Variants in LPCAT2 observed in about 807,000 individuals in gnomAD.
The protein encoded by LPCAT2 is 1-AGP acyltransferase 11.
A neutral mutation model predicts 64.7 loss-of-function variants in LPCAT2; 58 were observed. That is an observed-to-expected ratio of 0.90 (90% CI 0.73 to 1.12). The LOEUF is 1.12. Among genes scored for constraint, LPCAT2 ranks in the 50% most tolerant of loss-of-function variants. The pLI, the probability that LPCAT2 is intolerant of heterozygous loss-of-function variation, is 0.00. For missense variants in LPCAT2, 579 were observed against 669.8 expected, an observed-to-expected ratio of 0.86 and a Z score of 1.50; for synonymous variants, 252 against 245.3, an observed-to-expected ratio of 1.03 and a Z score of -0.26.
intron 1 of LPCAT2, among the ~76,000 whole-genome samples, chr16:55,511,921 C>T (rs1170236826): frequency 6.6e-6 from 1 of 152,136 alleles, no homozygotes; most frequent in African/African-American, 2.4e-5. Flanking sequence ...AATGATACCT[C>T]TTTGAAGAGA....
chr16:55,577,445 G>A (rs576450200), intron 12 of LPCAT2, among the ~76,000 whole-genome samples: 1 of 152,224 alleles, frequency 6.6e-6, no homozygotes, highest in Admixed American at 6.5e-5. Context: ...CTACTTGCAA[G>A]TGGTGTGACC....
intron 11 of LPCAT2, among the ~76,000 whole-genome samples, chr16:55,560,851 G>C (rs1963627948): frequency 6.6e-6 from 1 of 151,928 alleles, no homozygotes; most frequent in Non-Finnish European, 1.5e-5. Context: ...ATTCACCCAA[G>C]TATACAATTC....
Position 55,574,630 on chromosome 16 carries a change from G to A in LPCAT2, c.1216-1G>A. ...AATTGATTTATCCCATCCTTTCACA[G>A]AACCATGATGGCAGCATTGACTTCC... On this transcript the variant is annotated splice_acceptor_variant, in intron 11 of 13. Transcript: ENST00000262134. LOFTEE classifies it high-confidence loss of function. 6.2e-7 allele frequency: 1 copy of A among 1,610,048 alleles called. No individual in the cohort carries two copies. Among genetic ancestry groups the A allele is most frequent in the Non-Finnish European group, 8.5e-7 (1 of 1,176,544 alleles).
chr16:55,531,569 A>G (rs1278795345), intron 4 of LPCAT2, among the ~76,000 whole-genome samples: 4 of 152,204 alleles, frequency 2.6e-5, no homozygotes, highest in African/African-American at 9.6e-5. Context: ...TTAAGGATAT[A>G]TAGCAGAAGA....
chr16:55,530,073 A>G (rs1466207320), intron 4 of LPCAT2, 126 bp downstream of exon 4: 1 of 588,840 alleles, frequency 1.7e-6, no homozygotes, highest in Non-Finnish European at 2.9e-6. Context: ...TGTTAGCATA[A>G]TAGATGCAGA....
At chr16:55,513,687 A>G (rs1288496060) in intron 1 of LPCAT2, among the ~76,000 whole-genome samples, 1 of 152,190 alleles carries the variant, frequency 6.6e-6, no homozygotes, top group African/African-American at 2.4e-5. Flanking sequence ...AGTAGCCTTA[A>G]AAACCAACGG....
chr16:55,581,810 AG>A (rs1963889699), intron 13 of LPCAT2, among the ~76,000 whole-genome samples: 1 of 152,254 alleles, frequency 6.6e-6, no homozygotes, highest in Non-Finnish European at 1.5e-5. Context: ...ATAATATTTC[AG>A]AAACTCCAGG....
chr16:55,554,416 G>C (rs1317384087), intron 11 of LPCAT2, among the ~76,000 whole-genome samples: 4 of 152,068 alleles, frequency 2.6e-5, no homozygotes, highest in African/African-American at 9.7e-5. Context: ...TTCTTTTCTT[G>C]AACCTCATGA....
Position 55,572,285 on chromosome 16 carries a change from T to C in LPCAT2, c.1216-2346T>C, listed in dbSNP as rs78115199. Among the ~76,000 whole-genome samples the C allele has an allele frequency of 3.4e-3, 511 of 152,308 alleles. 18 individuals are homozygous for C. The South Asian group carries it at 0.063, about 19-fold the overall frequency. Reference sequence around the variant, plus strand: ...TTTGGTAGTATAGATAAAAACTGGATATCTCACAATAAAGATACAACATAA... The same window carrying C: ...TTTGGTAGTATAGATAAAAACTGGACATCTCACAATAAAGATACAACATAA... On this transcript the variant is annotated intron_variant, in intron 11 of 13. Coordinates refer to ENST00000262134, the MANE Select transcript of LPCAT2 (RefSeq NM_017839.5).
At chr16:55,563,738 A>C (rs933362363) in intron 11 of LPCAT2, among the ~76,000 whole-genome samples, 21 of 151,934 alleles carry the variant, frequency 1.4e-4, no homozygotes, top group Non-Finnish European at 1.5e-4. Context: ...TTGATAGCTA[A>C]CATTGTGTTC....
chr16:55,516,900 A>G (rs1028150633), intron 1 of LPCAT2, among the ~76,000 whole-genome samples: 2 of 152,240 alleles, frequency 1.3e-5, no homozygotes, highest in Non-Finnish European at 2.9e-5. Flanking sequence ...ACAATTCTCA[A>G]TAAATATAAA....
At chr16:55,579,565 A>G (rs1368540407) in intron 13 of LPCAT2, among the ~76,000 whole-genome samples, 1 of 152,184 alleles carries the variant, frequency 6.6e-6, no homozygotes, top group Non-Finnish European at 1.5e-5. Flanking sequence ...AAGACAATTT[A>G]GCTAAAGAAC....
At chr16:55,520,250 C>T (rs1418183044) in intron 1 of LPCAT2, among the ~76,000 whole-genome samples, 5 of 151,890 alleles carry the variant, frequency 3.3e-5, no homozygotes, top group African/African-American at 1.2e-4. Flanking sequence ...GTATTAATAT[C>T]AGATAAAGTA....
chr16:55,575,915 A>T (rs1596889902), intron 12 of LPCAT2, among the ~76,000 whole-genome samples: 1 of 152,190 alleles, frequency 6.6e-6, no homozygotes, highest in South Asian at 2.1e-4. Context: ...GCTTTTACAG[A>T]CTTATTCATC....
chr16:55,548,945 A>C (rs1963483750), intron 9 of LPCAT2, among the ~76,000 whole-genome samples: 1 of 152,218 alleles, frequency 6.6e-6, no homozygotes, highest in South Asian at 2.1e-4. Context: ...AGCTGGTGAA[A>C]AACTCCACTA....
In LPCAT2 at chr16:55,509,295, GCCGGTGCCGAACC is replaced by G. The variant is rs1962887433; in HGVS notation, c.117_129del (p.Val40SerfsTer32). ...CCCGTCAGGCGTCCTTCTTCCCGCC[GCCGGTGCCGAACC>G]CCTTCGTGCAGCAGACGCAGATCGG... On this transcript the variant is annotated frameshift_variant, in exon 1 of 14. Transcript: ENST00000262134. LOFTEE classifies it high-confidence loss of function. 6.6e-7 allele frequency: 1 copy of G among 1,512,402 alleles called. No individual in the cohort carries two copies. 93.7% of individuals were successfully genotyped at this position (1,512,402 alleles called of 1,614,324 possible).
Position 55,509,238 on chromosome 16 carries a change from C to T in LPCAT2, c.57C>T (p.Val19=), listed in dbSNP as rs769307690. ...EVAATVPGAG[V]GNVGLRPPMV... Reference sequence around the variant, plus strand: ...CGGCCACAGTGCCAGGTGCCGGCGTCGGGAACGTGGGGCTGCGGCCGCCCA... The same window carrying T: ...CGGCCACAGTGCCAGGTGCCGGCGTTGGGAACGTGGGGCTGCGGCCGCCCA... The change falls in exon 1 of 14, where the codon GTC becomes GTT. Residue 19 remains valine (V), a synonymous_variant. Transcript: ENST00000262134. The T allele has an allele frequency of 2.0e-6, 3 of 1,477,352 alleles. No individual in the cohort carries two copies. Among genetic ancestry groups the T allele is most frequent in the Middle Eastern group, 1.8e-4 (1 of 5,642 alleles). 91.5% of individuals were successfully genotyped at this position (1,477,352 alleles called of 1,614,324 possible). A position where few individuals can be genotyped will look rare whatever the true frequency, so the allele number is the denominator to read the frequency against.
At chr16:55,523,399 T>C (rs770730677) in intron 1 of LPCAT2, among the ~76,000 whole-genome samples, 3 of 151,730 alleles carry the variant, frequency 2.0e-5, no homozygotes, top group Non-Finnish European at 4.4e-5. Flanking sequence ...TTTTATAGTA[T>C]TATACAAAGT....
chr16:55,520,598 AC>A (rs1963081569), intron 1 of LPCAT2, among the ~76,000 whole-genome samples: 1 of 152,000 alleles, frequency 6.6e-6, no homozygotes, highest in African/African-American at 2.4e-5. Flanking sequence ...ACCGACATAG[AC>A]CAAATGCTGG....
Sources: gnomAD v4.1 joint callset for allele counts (sites outside exome capture counted in the v4.1 genomes callset) on GRCh38, gnomAD v4.1.1 for gene constraint, MANE v1.5 for transcripts, NCBI Gene and HGNC (gene_info 2026-07-23, HGNC 2026-07-21) for gene names.